Variants in APCDD1 observed in about 807,000 individuals in gnomAD.
APCDD1 encodes protein APCDD1.
APCDD1 carries 15 observed loss-of-function variants against 38.1 expected under a neutral mutation model. The ratio of observed to expected loss-of-function variants is 0.39; its 90% CI spans 0.26 to 0.61. The LOEUF (loss-of-function observed/expected upper bound fraction) is 0.61. Ranked by LOEUF, APCDD1 falls within the 20% of genes least tolerant of loss-of-function variation. The pLI is 0.49. For synonymous variants in APCDD1, 261 were observed against 279.7 expected, an observed-to-expected ratio of 0.93 and a Z score of 0.67; for missense variants, 647 against 696.2, an observed-to-expected ratio of 0.93 and a Z score of 0.79.
At chr18:10,473,219 T>C (rs1009112766) in intron 3 of APCDD1, among the ~76,000 whole-genome samples, 10 of 152,218 alleles carry the variant, frequency 6.6e-5, no homozygotes, top group African/African-American at 2.4e-4. Context: ...TTAATCTATG[T>C]TATTGTGAGC....
In APCDD1 at chr18:10,485,688, G is replaced by A; in HGVS notation, c.1001G>A (p.Cys334Tyr). The A allele has an allele frequency of 6.2e-7, 1 of 1,614,204 alleles. No homozygotes were observed. Among genetic ancestry groups the A allele is most frequent in the Non-Finnish European group, 8.5e-7 (1 of 1,180,046 alleles). ...GHYYHYSDPV[C>Y]KHPTFSIYAR... ...TACTACCACTACTCAGACCCGGTGT[G>A]CAAGCACCCCACCTTCTCCATCTAC... Residue 334 changes from cysteine to tyrosine, a missense_variant, in exon 4 of 5, where the codon TGC becomes TAC. Physicochemically the swap from Cys to Tyr is radical, Grantham distance 194 (BLOSUM62 -2). Coordinates refer to ENST00000355285, the MANE Select transcript of APCDD1 (RefSeq NM_153000.5). This position sits in a 1 kb window ranked among gnomAD's most constrained non-coding sequence, Gnocchi z 5.8.
At chr18:10,466,671 C>A (rs115615327) in intron 1 of APCDD1, among the ~76,000 whole-genome samples, 1 of 152,164 alleles carries the variant, frequency 6.6e-6, no homozygotes, top group African/African-American at 2.4e-5. Flanking sequence ...GAGTACCACT[C>A]TAGTGGAGAT....
Position 10,487,810 on chromosome 18 carries a change from C to T in APCDD1, c.1317C>T (p.Asn439=), listed in dbSNP as rs1432768773. The T allele has an allele frequency of 8.1e-6, 13 of 1,613,962 alleles. No individual in the cohort carries two copies. The highest frequency in any genetic ancestry group is 3.3e-5 in the South Asian group (3 of 91,092). ...CCCGGGGGCGCTATCTGCTGTTCAA[C>T]GGTCAGAGGCCCAGCGACGGGTCCA... ...QDARGRYLLF[N]GQRPSDGSSP... The change falls in exon 5 of 5, where the codon AAC becomes AAT. Residue 439 remains asparagine (N), a synonymous_variant. Transcript: ENST00000355285.
rs1435818816 is a variant in APCDD1 at position 10,454,896 on chromosome 18, C to A, written c.-86C>A. ...CCGGCCTGGCCCGGCCGCACCCGGC[C>A]GGAGGCGGAGGGCAGAGCGCGCGCC... On this transcript the variant is annotated 5_prime_UTR_variant, in exon 1 of 5. Coordinates refer to ENST00000355285, the MANE Select transcript of APCDD1 (RefSeq NM_153000.5). 1.3e-5 allele frequency: 17 copies of A among 1,353,246 alleles called. No homozygotes were observed. Among genetic ancestry groups the A allele is most frequent in the Admixed American group, 6.3e-5 (2 of 31,810 alleles). 83.8% of individuals were successfully genotyped at this position (1,353,246 alleles called of 1,614,324 possible).
At chr18:10,479,711 C>A (rs935975268) in intron 3 of APCDD1, among the ~76,000 whole-genome samples, 6 of 152,098 alleles carry the variant, frequency 3.9e-5, no homozygotes, top group Admixed American at 3.9e-4. Context: ...TTAGTTGCCT[C>A]GTCTGTAAAA....
intron 1 of APCDD1, among the ~76,000 whole-genome samples, chr18:10,463,958 T>C (rs1235087820): frequency 6.6e-6 from 1 of 152,254 alleles, no homozygotes; most frequent in Admixed American, 6.5e-5. Flanking sequence ...CTGGCTGCAC[T>C]GCCAGCCTCG....
At position 10,470,903 on chromosome 18, in the gene APCDD1, C is replaced by T. The variant is rs756601430; in HGVS notation, c.243-627C>T. ...AAAAGGAACCCTTATTTCTGTTGTG[C>T]CAGCTTTGCTTTTAGTTAATTGCCC... On this transcript the variant is annotated intron_variant, in intron 2 of 4. Coordinates refer to ENST00000355285, the MANE Select transcript of APCDD1 (RefSeq NM_153000.5). The surrounding 1 kb of genome is among the most constrained non-coding windows in gnomAD (Gnocchi z 4.1). Among the ~76,000 whole-genome samples, 2 of 152,182 alleles carry T rather than the reference C, an allele frequency of 1.3e-5. No homozygotes were observed. The highest frequency in any genetic ancestry group is 6.5e-5 in the Admixed American group (1 of 15,276).
chr18:10,479,024 C>G (rs1416632325), intron 3 of APCDD1, among the ~76,000 whole-genome samples: 2 of 152,222 alleles, frequency 1.3e-5, no homozygotes, highest in Non-Finnish European at 2.9e-5. Flanking sequence ...CTGTGCAACT[C>G]TCTCCTGGAT....
chr18:10,461,604 G>C (rs992195988), intron 1 of APCDD1, among the ~76,000 whole-genome samples: 8 of 152,168 alleles, frequency 5.3e-5, no homozygotes, highest in Non-Finnish European at 8.8e-5. Flanking sequence ...GAATTGTCGA[G>C]TGTAATGCAA....
chr18:10,480,272 A>G (rs2143553841), intron 3 of APCDD1, among the ~76,000 whole-genome samples: 1 of 152,344 alleles, frequency 6.6e-6, no homozygotes, highest in African/African-American at 2.4e-5. Flanking sequence ...CATCATGTTT[A>G]AAAACTGCAT....
At chr18:10,461,908 C>CT (rs1207744838) in intron 1 of APCDD1, among the ~76,000 whole-genome samples, 1 of 152,134 alleles carries the variant, frequency 6.6e-6, no homozygotes, top group African/African-American at 2.4e-5. Flanking sequence ...GTTTCTAACT[C>CT]TTGTTTTATC....
intron 1 of APCDD1, among the ~76,000 whole-genome samples, chr18:10,460,460 G>C (rs977443158): frequency 2.6e-5 from 4 of 151,716 alleles, no homozygotes; most frequent in Non-Finnish European, 4.4e-5. Context: ...TTGAACCCAG[G>C]AGGCGGAGGT....
intron 1 of APCDD1, among the ~76,000 whole-genome samples, chr18:10,459,830 TCA>T (rs1303860713): frequency 6.8e-5 from 10 of 146,292 alleles, no homozygotes; most frequent in Non-Finnish European, 1.5e-4. Flanking sequence ...ATCTAATCAG[TCA>T]CATTTTATGT....
intron 3 of APCDD1, among the ~76,000 whole-genome samples, chr18:10,479,240 T>C (rs1473223032): frequency 1.3e-5 from 2 of 152,238 alleles, no homozygotes; most frequent in Non-Finnish European, 2.9e-5. Context: ...GTGTGTTTTT[T>C]ATCCGAGGGA....
rs1250469236 is a variant in APCDD1 at position 10,467,998 on chromosome 18, C to T, written c.59-471C>T. Among the ~76,000 whole-genome samples the T allele has an allele frequency of 6.6e-6, 1 of 152,180 alleles. No homozygotes were observed. The highest frequency in any genetic ancestry group is 6.5e-5 in the Admixed American group (1 of 15,282). ...TCTCCTTGTTCTTTCCTTTCCTCACCTAAATCTGTCATTGTGTAAATTCAC... is the reference window on the plus strand; with the variant it reads ...TCTCCTTGTTCTTTCCTTTCCTCACTTAAATCTGTCATTGTGTAAATTCAC... On this transcript the variant is annotated intron_variant, in intron 1 of 4. Transcript: ENST00000355285. The surrounding 1 kb of genome is among the most constrained non-coding windows in gnomAD (Gnocchi z 4.8).
chr18:10,471,567 T>G lies in APCDD1; in HGVS notation c.280T>G (p.Ser94Ala). Residue 94 changes from serine (S) to alanine (A), a missense_variant, in exon 3 of 5, where the codon TCC becomes GCC. Physicochemically the swap from Ser to Ala is moderately conservative, Grantham distance 99. Transcript: ENST00000355285. This position sits in a 1 kb window ranked among gnomAD's most constrained non-coding sequence, Gnocchi z 5.5. ...GTCAGGCCCAGAGTTCATCACAAGGTCCTACAGATTCTACCACAATAACAC... is the reference window on the plus strand; with the variant it reads ...GTCAGGCCCAGAGTTCATCACAAGGGCCTACAGATTCTACCACAATAACAC... ...VRSGPEFITR[S>A]YRFYHNNTFK... 5.0e-6 allele frequency: 8 copies of G among 1,614,210 alleles called. No homozygotes were observed. The highest frequency in any genetic ancestry group is 6.8e-6 in the Non-Finnish European group (8 of 1,180,028).
At chr18:10,464,243 C>T (rs1205730721) in intron 1 of APCDD1, among the ~76,000 whole-genome samples, 2 of 151,330 alleles carry the variant, frequency 1.3e-5, no homozygotes, top group African/African-American at 4.9e-5. Context: ...CTTCCCAGAA[C>T]CTCCTTCATC....
At chr18:10,461,519 A>T (rs897310060) in intron 1 of APCDD1, among the ~76,000 whole-genome samples, 1 of 152,226 alleles carries the variant, frequency 6.6e-6, no homozygotes, top group Admixed American at 6.5e-5. Flanking sequence ...GACTTTACAC[A>T]TTCTCAATCA....
chr18:10,471,375 G>C lies in APCDD1; in HGVS notation c.243-155G>C, dbSNP rs549702658. Among the ~76,000 whole-genome samples the C allele has an allele frequency of 6.6e-6, 1 of 152,334 alleles. No homozygotes were observed. The highest frequency in any genetic ancestry group is 2.1e-4 in the South Asian group (1 of 4,830). ...TACCTAACTCCTAGGTTGTTGTGAGGAGTCAATGAGTTGGTATCTATAAAG... is the reference window on the plus strand; with the variant it reads ...TACCTAACTCCTAGGTTGTTGTGAGCAGTCAATGAGTTGGTATCTATAAAG... On this transcript the variant is annotated intron_variant, in intron 2 of 4. Transcript: ENST00000355285. This position sits in a 1 kb window ranked among gnomAD's most constrained non-coding sequence, Gnocchi z 5.5.
Sources: gnomAD v4.1 joint callset for allele counts (sites outside exome capture counted in the v4.1 genomes callset) on GRCh38, gnomAD v4.1.1 for gene constraint, Gnocchi (gnomAD v3.1) non-coding constraint, MANE v1.5 for transcripts, NCBI Gene and HGNC (gene_info 2026-07-23, HGNC 2026-07-21) for gene names.